The following CACNA2D2 variants were observed in gnomAD, a reference collection of about 807,000 sequenced individuals.
CACNA2D2 encodes the protein calcium voltage-gated channel auxiliary subunit alpha2delta 2.
A neutral mutation model predicts 166.4 loss-of-function variants in CACNA2D2; 48 were observed. The ratio of observed to expected loss-of-function variants is 0.29; its 90% CI spans 0.23 to 0.37. The LOEUF is 0.37. Ranked by LOEUF, CACNA2D2 falls within the 10% of genes least tolerant of loss-of-function variation. The probability of loss-of-function intolerance (pLI) is 1.00; values close to 1 mark genes in which losing one functional copy is unlikely to be tolerated. For missense variants in CACNA2D2, 1,122 were observed against 1,433.0 expected (o/e 0.78, Z 3.50); for synonymous variants, 561 against 573.7 (o/e 0.98, Z 0.32).
intron 2 of CACNA2D2, among the ~76,000 whole-genome samples, chr3:50,463,637 G>T (rs1471185996): frequency 6.6e-6 from 1 of 152,238 alleles, no homozygotes; most frequent in African/African-American, 2.4e-5. Context: ...TTAGAGGAGG[G>T]CTGTCTGAGA....
At chr3:50,446,059 G>C (rs1436398248) in intron 2 of CACNA2D2, among the ~76,000 whole-genome samples, 1 of 152,252 alleles carries the variant, frequency 6.6e-6, no homozygotes, top group African/African-American at 2.4e-5. Flanking sequence ...TGTGCAAACA[G>C]GACTGATGGC....
chr3:50,369,665 C>T (rs990843746), intron 23 of CACNA2D2, among the ~76,000 whole-genome samples: 2 of 152,238 alleles, frequency 1.3e-5, no homozygotes, highest in African/African-American at 2.4e-5. Context: ...CCAGGGGACC[C>T]GGCCTCCCCA....
intron 2 of CACNA2D2, among the ~76,000 whole-genome samples, chr3:50,440,976 G>A (rs1211643045): frequency 3.9e-5 from 6 of 152,088 alleles, no homozygotes; most frequent in South Asian, 2.1e-4. Context: ...GACGAGGGAC[G>A]CTTGGCAGCA....
At chr3:50,425,566 C>T (rs1707769932) in intron 3 of CACNA2D2, among the ~76,000 whole-genome samples, 1 of 152,180 alleles carries the variant, frequency 6.6e-6, no homozygotes, top group Non-Finnish European at 1.5e-5. Context: ...GCCTCGCACA[C>T]CAGGATTTCA....
Position 50,379,149 on chromosome 3 carries a change from A to T in CACNA2D2, c.1203T>A (p.Asp401Glu). The change falls in exon 12 of 38, where the codon GAT becomes GAA. Residue 401 changes from aspartate (D) to glutamate (E), a missense_variant. By Grantham distance (45) the Asp-to-Glu change is conservative. Transcript: ENST00000424201. The surrounding 1 kb of genome is among the most constrained non-coding windows in gnomAD (Gnocchi z 6.5). ...CGTCCTGCACGCGGTCCTCACCACC[A>T]TCCGTGAACATCATGATCATCTTGT... is the stretch of plus-strand genomic sequence containing the variant. ...NCNKMIMMFT[D>E]GGEDRVQDVF... The T allele has an allele frequency of 6.2e-7, 1 of 1,614,000 alleles. No individual in the cohort carries two copies. Among genetic ancestry groups the T allele is most frequent in the Non-Finnish European group, 8.5e-7 (1 of 1,180,014 alleles).
chr3:50,481,864 C>A (rs769276984), intron 1 of CACNA2D2, among the ~76,000 whole-genome samples: 1 of 152,200 alleles, frequency 6.6e-6, no homozygotes, highest in Non-Finnish European at 1.5e-5. Context: ...GGTGTGGTAT[C>A]GTACACCTGT....
chr3:50,387,318 G>A (rs894563288), intron 5 of CACNA2D2, among the ~76,000 whole-genome samples: 2 of 152,296 alleles, frequency 1.3e-5, no homozygotes, highest in South Asian at 2.1e-4. Context: ...AAACTGCCCC[G>A]TGCGGGAAGG....
At chr3:50,404,271 T>C (rs772570488) in intron 3 of CACNA2D2, among the ~76,000 whole-genome samples, 3 of 152,110 alleles carry the variant, frequency 2.0e-5, no homozygotes, top group Non-Finnish European at 4.4e-5. Context: ...CGAAGAGGCA[T>C]GCGAGGGGCA....
intron 1 of CACNA2D2, among the ~76,000 whole-genome samples, chr3:50,480,879 C>T (rs59994803): frequency 0.017 from 9 of 518 alleles, no homozygotes; most frequent in Non-Finnish European, 0.028. Flanking sequence ...CAGGGAGGAA[C>T]GGGAGGAAAG....
intron 14 of CACNA2D2, 26 bp from the exon 15 acceptor site, chr3:50,378,123 A>C: frequency 6.2e-7 from 1 of 1,606,876 alleles, no homozygotes; most frequent in Non-Finnish European, 8.5e-7. Flanking sequence ...TGGTGGGGGT[A>C]ATGAGTGCCT....
Position 50,380,252 on chromosome 3 carries a change from G to A in CACNA2D2, c.843-234C>T, listed in dbSNP as rs907473192. On this transcript the variant is annotated intron_variant, in intron 8 of 37. Coordinates refer to ENST00000424201, the MANE Select transcript of CACNA2D2 (RefSeq NM_006030.4). This position sits in a 1 kb window ranked among gnomAD's most constrained non-coding sequence, Gnocchi z 4.9. The stretch of plus-strand genomic sequence containing the variant: ...AGTACCAGGGGGTATATGAGCAGGT[G>A]ATCCCCAGAGGGGGCAGGAGCCACA... 6.6e-6 allele frequency among the ~76,000 whole-genome samples: 1 copy of A among 152,248 alleles called. No individual in the cohort carries two copies. Among genetic ancestry groups the A allele is most frequent in the African/African-American group, 2.4e-5 (1 of 41,462 alleles).
At chr3:50,372,995 G>A (rs587669794) in intron 22 of CACNA2D2, 6 of 1,293,436 alleles carry the variant, frequency 4.6e-6, no homozygotes, top group Non-Finnish European at 6.5e-6. Flanking sequence ...GGGCAGGGAG[G>A]GGGGCAAGCA....
At chr3:50,414,823 G>A (rs1302136542) in intron 3 of CACNA2D2, among the ~76,000 whole-genome samples, 1 of 152,200 alleles carries the variant, frequency 6.6e-6, no homozygotes, top group African/African-American at 2.4e-5. Flanking sequence ...ACCCCTCCAA[G>A]TCTGCGCCAG....
intron 1 of CACNA2D2, among the ~76,000 whole-genome samples, chr3:50,502,309 C>T (rs955589783): frequency 6.6e-6 from 1 of 152,176 alleles, no homozygotes; most frequent in Non-Finnish European, 1.5e-5. Flanking sequence ...CACCGTGCCC[C>T]AAAGGGGGTC....
At chr3:50,445,936 C>A (rs756087223) in intron 2 of CACNA2D2, among the ~76,000 whole-genome samples, 1 of 152,092 alleles carries the variant, frequency 6.6e-6, no homozygotes, top group African/African-American at 2.4e-5. Flanking sequence ...GAGGGACAAT[C>A]CATGGCACCT....
Position 50,364,749 on chromosome 3 carries a change from C to T in CACNA2D2, c.3349G>A (p.Val1117Ile), listed in dbSNP as rs72934809. 6.4e-3 allele frequency: 10,007 copies of T among 1,567,964 alleles called. 569 individuals are homozygous for T. In the African/African-American group the frequency reaches 0.12, roughly 19 times the overall value. Reference protein sequence around the residue: ...ASFPPSLGVLVSLQLLLLLGL... With the variant: ...ASFPPSLGVLISLQLLLLLGL... Reference sequence around the variant, plus strand: ...AGGAGGAGCAGCAGTTGCAGGGAGACCAGGACGCCCAGCGACGGCGGGAAG... The same window carrying T: ...AGGAGGAGCAGCAGTTGCAGGGAGATCAGGACGCCCAGCGACGGCGGGAAG... Residue 1117 changes from valine (V) to isoleucine (I), a missense_variant, in exon 38 of 38, where the codon GTC (valine) becomes ATC (isoleucine). Val to Ile is a conservative substitution (Grantham distance 29). Transcript: ENST00000424201.
At chr3:50,468,237 G>C (rs1183231799) in intron 2 of CACNA2D2, among the ~76,000 whole-genome samples, 1 of 152,206 alleles carries the variant, frequency 6.6e-6, no homozygotes, top group East Asian at 1.9e-4. Context: ...AGAGATGGAT[G>C]CATAGGCCGG....
chr3:50,493,576 C>T (rs992312317), intron 1 of CACNA2D2, among the ~76,000 whole-genome samples: 12 of 152,312 alleles, frequency 7.9e-5, no homozygotes, highest in Middle Eastern at 6.8e-3. Context: ...TGCCAGCAGC[C>T]GCATCACACA....
intron 3 of CACNA2D2, among the ~76,000 whole-genome samples, chr3:50,400,977 T>C (rs1391239483): frequency 6.6e-6 from 1 of 152,182 alleles, no homozygotes; most frequent in African/African-American, 2.4e-5. Context: ...GCCTGGCCCA[T>C]GGCACATCGT....
Sources: allele counts gnomAD v4.1 joint callset (sites outside exome capture counted in the v4.1 genomes callset), GRCh38; gene constraint gnomAD v4.1.1; non-coding constraint Gnocchi (gnomAD v3.1); transcripts MANE v1.5; gene names NCBI Gene and HGNC (gene_info 2026-07-23, HGNC 2026-07-21).